Variants in GLUL observed in about 807,000 individuals in gnomAD.
GLUL encodes glutamine synthetase.
A neutral mutation model predicts 36.9 loss-of-function variants in GLUL; 8 were observed. That is an observed-to-expected ratio of 0.22 (90% CI 0.13 to 0.39). The LOEUF (loss-of-function observed/expected upper bound fraction) is 0.39. Among genes scored for constraint, GLUL ranks in the 10% least tolerant of loss-of-function variants. GLUL has a pLI of 1.00. For missense variants in GLUL, 315 were observed against 501.8 expected (o/e 0.63, Z 3.56); for synonymous variants, 182 against 172.8 (o/e 1.05, Z -0.42).
At chr1:182,387,954 A>C (rs986069337) in intron 2 of GLUL, among the ~76,000 whole-genome samples, 1 of 152,226 alleles carries the variant, frequency 6.6e-6, no homozygotes, top group Non-Finnish European at 1.5e-5. Context: ...AAACTACCCT[A>C]AACTAGGTAG....
At chr1:182,386,148 G>A in intron 4 of GLUL, 108 bp downstream of exon 4, 1 of 1,134,982 alleles carries the variant, frequency 8.8e-7, no homozygotes, top group Non-Finnish European at 1.3e-6. Context: ...CGCCTTTACT[G>A]TATTATTTTG....
chr1:182,384,206 G>A lies in GLUL; in HGVS notation c.*199C>T, dbSNP rs968358726. 3.0e-5 allele frequency: 18 copies of A among 597,308 alleles called. No individual in the cohort carries two copies. Among genetic ancestry groups the A allele is most frequent in the East Asian group, 2.9e-5 (1 of 34,178 alleles). 37.0% of individuals were successfully genotyped at this position (597,308 alleles called of 1,614,324 possible). On this transcript the variant is annotated 3_prime_UTR_variant, in exon 7 of 7. Transcript: ENST00000331872. ...CTTCAGTGATAGGGAAAAAAAGGAGGGTAGGTGTGAAGAAATTAATAACTT... is the reference window on the plus strand; with the variant it reads ...CTTCAGTGATAGGGAAAAAAAGGAGAGTAGGTGTGAAGAAATTAATAACTT...
chr1:182,390,806 T>G (rs1650380748), intron 1 of GLUL: 1 of 398,978 alleles, frequency 2.5e-6, no homozygotes, highest in African/African-American at 2.1e-5. Flanking sequence ...TTCATAATTT[T>G]CATTCGTTGC....
chr1:182,388,287 G>A (rs960810149), intron 2 of GLUL, among the ~76,000 whole-genome samples: 14 of 152,212 alleles, frequency 9.2e-5, no homozygotes, highest in East Asian at 1.9e-4. Context: ...TGTCCAGGTC[G>A]GCAACCTCTA....
At chr1:182,387,071 C>T in intron 3 of GLUL, 60 bp downstream of exon 3, 2 of 1,297,560 alleles carry the variant, frequency 1.5e-6, no homozygotes, top group East Asian at 2.3e-5. Flanking sequence ...ATGTCTTCTC[C>T]CTCCCCTTCA....
chr1:182,386,981 G>A, intron 3 of GLUL, 150 bp downstream of exon 3: 1 of 726,240 alleles, frequency 1.4e-6, no homozygotes, highest in South Asian at 1.5e-5. Context: ...CTTCCTCAAA[G>A]CAGAAGTTCA....
Position 182,384,707 on chromosome 1 carries a change from T to C in GLUL, c.820A>G (p.Ile274Val), listed in dbSNP as rs756323491. ...ENGLKYIEEA[I>V]EKLSKRHQYH... is the part of the protein sequence containing the mutation. ...TGGTGCCGCTTGCTTAGTTTCTCAA[T>C]GGCCTCCTCGATGTACCTAGAGTAA... The change falls in exon 7 of 7, where the codon ATT (isoleucine) becomes GTT (valine). Residue 274 changes from isoleucine (I) to valine (V), a missense_variant. By Grantham distance (29) the Ile-to-Val change is conservative. This residue lies in a region of GLUL where 256 missense variants were observed against 396.1 expected (regional missense o/e 0.65). Transcript: ENST00000331872. The C allele has an allele frequency of 1.9e-6, 3 of 1,613,846 alleles. No individual in the cohort carries two copies. The highest frequency in any genetic ancestry group is 3.3e-5 in the Admixed American group (2 of 59,994).
At position 182,384,716 on chromosome 1, in the gene GLUL, C is replaced by T; in HGVS notation, c.811G>A (p.Glu271Lys). ...TTGCTTAGTTTCTCAATGGCCTCCT[C>T]GATGTACCTAGAGTAAACAGAAAAG... ...MREENGLKYI[E>K]EAIEKLSKRH... Residue 271 changes from glutamate to lysine, a missense_variant, in exon 7 of 7, where the codon GAG becomes AAG. Coordinates refer to ENST00000331872, the MANE Select transcript of GLUL (RefSeq NM_001033044.4). 5 of 1,613,416 alleles carry T rather than the reference C, an allele frequency of 3.1e-6. No individual in the cohort carries two copies. Among genetic ancestry groups the T allele is most frequent in the Non-Finnish European group, 4.2e-6 (5 of 1,179,452 alleles).
In GLUL at chr1:182,385,062, G is replaced by A. The variant is rs180678778; in HGVS notation, c.803+295C>T. 1,621 of 241,388 alleles carry A rather than the reference G, an allele frequency of 6.7e-3. 12 individuals carry two copies. The highest frequency in any genetic ancestry group is 0.012 in the South Asian group (157 of 13,618). 15.0% of individuals were successfully genotyped at this position (241,388 alleles called of 1,614,324 possible). ...GACATATGTCACAAATATATATATC[G>A]ATATATATTTATATAATGATATATG... On this transcript the variant is annotated intron_variant, in intron 6 of 6. Coordinates refer to ENST00000331872, the MANE Select transcript of GLUL (RefSeq NM_001033044.4).
intron 6 of GLUL, 124 bp from the exon 7 acceptor site, chr1:182,384,847 ACCTGTGT>A: frequency 2.6e-6 from 2 of 755,162 alleles, no homozygotes; most frequent in Non-Finnish European, 4.7e-6. Context: ...GCATCTTCTT[ACCTGTGT>A]GTCTCAGTGG....
At chr1:182,388,885 C>G in intron 1 of GLUL, 135 bp from the exon 2 acceptor site, 1 of 733,032 alleles carries the variant, frequency 1.4e-6, no homozygotes. Context: ...AGTCAACACA[C>G]AAAAAGTTAT....
At chr1:182,389,731 G>C (rs1402363275) in intron 1 of GLUL, 1 of 152,254 alleles carries the variant, frequency 6.6e-6, no homozygotes, top group Non-Finnish European at 1.5e-5. Context: ...CCGTGGACCA[G>C]GGTGGCTAGA....
chr1:182,389,771 T>TAGGG (rs1650330498), intron 1 of GLUL: 1 of 152,246 alleles, frequency 6.6e-6, no homozygotes, highest in African/African-American at 2.4e-5. Flanking sequence ...CTCCAACGAC[T>TAGGG]AGGGCAACGT....
chr1:182,383,854 C>G lies in GLUL; in HGVS notation c.*551G>C, dbSNP rs1450562336. 1 of 168,026 alleles carries G rather than the reference C, an allele frequency of 6.0e-6. No individual in the cohort carries two copies. The highest frequency in any genetic ancestry group is 1.3e-5 in the Non-Finnish European group (1 of 76,114). 10.4% of individuals were successfully genotyped at this position (168,026 alleles called of 1,614,324 possible). On this transcript the variant is annotated 3_prime_UTR_variant, in exon 7 of 7. Coordinates refer to ENST00000331872, the MANE Select transcript of GLUL (RefSeq NM_001033044.4). ...TTTATACTAAGCTTCGTGTTCAGAG[C>G]AGGGCATTTAGTCCCAAGCCAGGCT... is the stretch of plus-strand genomic sequence containing the variant.
rs1399798563 is a variant in GLUL at position 182,387,369 on chromosome 1, A to C, written c.167-77T>G. ...GCAATGCAAATACAGCCAGCCCTTCACTCACCTTCCCATCTCTAAATATCT... is the reference window on the plus strand; with the variant it reads ...GCAATGCAAATACAGCCAGCCCTTCCCTCACCTTCCCATCTCTAAATATCT... On this transcript the variant is annotated intron_variant, in intron 2 of 6. Coordinates refer to ENST00000331872, the MANE Select transcript of GLUL (RefSeq NM_001033044.4). The C allele has an allele frequency of 2.9e-5, 29 of 1,008,284 alleles. No individual in the cohort carries two copies. The South Asian group carries it at 3.2e-4, about 11-fold the overall frequency. The allele number at this position is 1,008,284 out of a possible 1,614,324, so 62.5% of individuals were successfully genotyped here.
chr1:182,389,345 C>G (rs1019816412), intron 1 of GLUL: 2 of 154,884 alleles, frequency 1.3e-5, no homozygotes, highest in Admixed American at 1.3e-4. Flanking sequence ...CACCGCCCCT[C>G]CCCACCAAAA....
chr1:182,387,330 C>T, intron 2 of GLUL, 38 bp from the exon 3 acceptor site: 2 of 1,519,446 alleles, frequency 1.3e-6, no homozygotes. Flanking sequence ...TTAAAACATA[C>T]AGGAGCTTTC....
At chr1:182,391,429 C>T (rs1650413031) in intron 1 of GLUL, 2 of 388,958 alleles carry the variant, frequency 5.1e-6, no homozygotes, top group Non-Finnish European at 9.1e-6. Flanking sequence ...AACAACTCAC[C>T]CCGCCCTTCC....
intron 1 of GLUL, 97 bp from the exon 2 acceptor site, chr1:182,388,847 T>C: frequency 1.1e-6 from 1 of 906,058 alleles, no homozygotes; most frequent in Non-Finnish European, 1.8e-6. Context: ...AAAGTCAGAG[T>C]GTAAGTGCCA....
Sources: allele counts gnomAD v4.1 joint callset (sites outside exome capture counted in the v4.1 genomes callset), GRCh38; gene constraint gnomAD v4.1.1; regional missense constraint gnomAD v4.1.1; transcripts MANE v1.5; gene names NCBI Gene and HGNC (gene_info 2026-07-23, HGNC 2026-07-21).